The following BPIFB1 variants were observed in gnomAD, a reference collection of about 807,000 sequenced individuals.
BPIFB1 encodes BPI fold-containing family B member 1.
BPIFB1 carries 34 observed loss-of-function variants against 55.1 expected under a neutral mutation model. The ratio of observed to expected loss-of-function variants is 0.62; its 90% confidence interval spans 0.47 to 0.82. BPIFB1 has a LOEUF of 0.82. Ranked by LOEUF, BPIFB1 falls within the 40% of genes least tolerant of loss-of-function variation. The pLI is 0.00. For synonymous variants in BPIFB1, 236 were observed against 245.3 expected (o/e 0.96, Z 0.35); for missense variants, 532 against 593.1 (o/e 0.90, Z 1.07).
chr20:33,309,651 A>G lies in BPIFB1; in HGVS notation c.1396-57A>G. 1.9e-6 allele frequency: 3 copies of G among 1,562,862 alleles called. No homozygotes were observed. In the East Asian group the frequency reaches 6.7e-5, roughly 35 times the overall value. On this transcript the variant is annotated intron_variant, in intron 15 of 15. Coordinates refer to ENST00000253354, the MANE Select transcript of BPIFB1 (RefSeq NM_033197.3). This position sits in a 1 kb window ranked among gnomAD's most constrained non-coding sequence, Gnocchi z 4.4. The stretch of plus-strand genomic sequence containing the variant: ...CTTATGGAGGACAAAACCAGCATAA[A>G]CCACAAGGCAAAAGGTTAAAGAAAC...
At chr20:33,306,375 TC>T (rs1471895213) in intron 14 of BPIFB1, among the ~76,000 whole-genome samples, 1 of 152,078 alleles carries the variant, frequency 6.6e-6, no homozygotes, top group African/African-American at 2.4e-5. Context: ...CAGACCCTGT[TC>T]CCCCTCTTGC....
intron 3 of BPIFB1, among the ~76,000 whole-genome samples, chr20:33,289,566 G>A (rs937315746): frequency 2.0e-5 from 3 of 152,194 alleles, no homozygotes; most frequent in African/African-American, 7.2e-5. Context: ...GCATGGAGAA[G>A]TGACAGTCGG....
intron 3 of BPIFB1, among the ~76,000 whole-genome samples, chr20:33,289,276 G>T (rs1189034229): frequency 1.3e-5 from 2 of 151,924 alleles, no homozygotes; most frequent in Admixed American, 6.6e-5. Context: ...AGCTACTCAG[G>T]AGGCTGAGGC....
chr20:33,300,059 T>C (rs1600667672), intron 8 of BPIFB1, 75 bp downstream of exon 8: 4 of 1,302,412 alleles, frequency 3.1e-6, no homozygotes, highest in Non-Finnish European at 3.3e-6. Flanking sequence ...TCAGATAGCA[T>C]GGGCCTGTGT....
chr20:33,283,720 G>T (rs1568644978), intron 1 of BPIFB1, among the ~76,000 whole-genome samples: 1 of 152,080 alleles, frequency 6.6e-6, no homozygotes, highest in Non-Finnish European at 1.5e-5. Flanking sequence ...GAAGGCGATT[G>T]GGCAAAGGAG....
intron 9 of BPIFB1, among the ~76,000 whole-genome samples, chr20:33,301,950 G>A (rs1980869583): frequency 6.6e-6 from 1 of 152,158 alleles, no homozygotes; most frequent in South Asian, 2.1e-4. Context: ...GAAAGGGTTG[G>A]TCCAACGTTA....
intron 2 of BPIFB1, among the ~76,000 whole-genome samples, chr20:33,286,843 G>A (rs1304191320): frequency 6.6e-6 from 1 of 152,178 alleles, no homozygotes; most frequent in Admixed American, 6.5e-5. Flanking sequence ...AACCAAAAAG[G>A]TCTCCAGACA....
intron 6 of BPIFB1, among the ~76,000 whole-genome samples, chr20:33,292,219 G>A (rs1209351607): frequency 2.0e-5 from 3 of 152,226 alleles, no homozygotes; most frequent in Non-Finnish European, 2.9e-5. Flanking sequence ...GAACAGTGAC[G>A]TGCTGATAAA....
chr20:33,307,014 T>C, intron 15 of BPIFB1, 27 bp downstream of exon 15: 1 of 1,605,034 alleles, frequency 6.2e-7, no homozygotes, highest in Non-Finnish European at 8.5e-7. Flanking sequence ...CTAAACATCC[T>C]GCCCCAGGGA....
intron 7 of BPIFB1, chr20:33,299,340 A>G (rs1980767342): frequency 1.1e-5 from 4 of 370,700 alleles, no homozygotes; most frequent in South Asian, 7.5e-5. Flanking sequence ...CGCGAACACG[A>G]GATCTTTGGG....
At position 33,299,896 on chromosome 20, in the gene BPIFB1, C is replaced by A. The variant is rs1980790795; in HGVS notation, c.662-3C>A. The A allele has an allele frequency of 6.2e-7, 1 of 1,613,774 alleles. No homozygotes were observed. Among genetic ancestry groups the A allele is most frequent in the South Asian group, 1.1e-5 (1 of 91,070 alleles). Reference sequence around the variant, plus strand: ...ACAGAACTTTCTTCTTGTCCTTGAGCAGTGCCCATTTCCCTCAGCATTGAC... The same window carrying A: ...ACAGAACTTTCTTCTTGTCCTTGAGAAGTGCCCATTTCCCTCAGCATTGAC... On this transcript the variant is annotated splice_region_variant and splice_polypyrimidine_tract_variant and intron_variant, in intron 7 of 15. Transcript: ENST00000253354.
intron 1 of BPIFB1, among the ~76,000 whole-genome samples, chr20:33,285,495 C>CGAGGTCAGGAGATCGA (rs1411613101): frequency 1.3e-5 from 2 of 151,588 alleles, no homozygotes; most frequent in African/African-American, 4.9e-5. Context: ...GGGCAGATCA[C>CGAGGTCAGGAGATCGA]GAGGTCAGGA....
At chr20:33,291,759 G>A (rs980588585) in intron 5 of BPIFB1, 148 bp from the exon 6 acceptor site, 6 of 668,728 alleles carry the variant, frequency 9.0e-6, no homozygotes, top group Non-Finnish European at 1.3e-5. Flanking sequence ...CTGGCTCAGG[G>A]GCTACTCCCA....
chr20:33,293,295 T>G (rs1980532528), intron 6 of BPIFB1, among the ~76,000 whole-genome samples: 1 of 152,202 alleles, frequency 6.6e-6, no homozygotes. Flanking sequence ...CCTTTTACTT[T>G]CACCCAGGAG....
chr20:33,286,028 C>A lies in BPIFB1; in HGVS notation c.-41-5C>A. Reference sequence around the variant, plus strand: ...CTGCCTCAGGTCCCTCTGTGCTCACCCCAGGTCTGGCATCCTGCACTTGCT... The same window carrying A: ...CTGCCTCAGGTCCCTCTGTGCTCACACCAGGTCTGGCATCCTGCACTTGCT... On this transcript the variant is annotated splice_region_variant and splice_polypyrimidine_tract_variant and intron_variant, in intron 1 of 15. Coordinates refer to ENST00000253354, the MANE Select transcript of BPIFB1 (RefSeq NM_033197.3). The A allele has an allele frequency of 6.3e-7, 1 of 1,588,830 alleles. No individual in the cohort carries two copies.
In BPIFB1 at chr20:33,305,999, C is replaced by T. The variant is rs761156142; in HGVS notation, c.1255-3C>T. On this transcript the variant is annotated splice_region_variant and splice_polypyrimidine_tract_variant and intron_variant, in intron 13 of 15. Coordinates refer to ENST00000253354, the MANE Select transcript of BPIFB1 (RefSeq NM_033197.3). The stretch of plus-strand genomic sequence containing the variant: ...GTGACAGTGCCCCTTCTCTCTCTCA[C>T]AGCCTGATGTTCTGAAAAACATCAT... 2.5e-6 allele frequency: 4 copies of T among 1,614,118 alleles called. No individual in the cohort carries two copies. Among genetic ancestry groups the T allele is most frequent in the Admixed American group, 1.7e-5 (1 of 60,032 alleles).
Position 33,301,402 on chromosome 20 carries a change from T to C in BPIFB1, c.917T>C (p.Leu306Ser). 1 of 1,613,486 alleles carries C rather than the reference T, an allele frequency of 6.2e-7. No individual in the cohort carries two copies. The highest frequency in any genetic ancestry group is 8.5e-7 in the Non-Finnish European group (1 of 1,179,748). The change falls in exon 9 of 16, where the codon TTG (leucine) becomes TCG (serine). Residue 306 changes from leucine to serine, a missense_variant. Coordinates refer to ENST00000253354, the MANE Select transcript of BPIFB1 (RefSeq NM_033197.3). ...VLSPEEFMVL[L>S]DSVLPESAHR... is the part of the protein sequence containing the mutation. ...TCTCCAGAAGAATTCATGGTCCTGT[T>C]GGACTCTGTGGTAAACCTCAGCACA...
intron 6 of BPIFB1, among the ~76,000 whole-genome samples, chr20:33,295,624 AAAGAAGAAAGAAAGAGAG>A (rs1980612610): frequency 6.7e-6 from 1 of 148,818 alleles, no homozygotes; most frequent in East Asian, 1.9e-4. Context: ...GTGAGACTCG[AAAGAAGAAAGAAAGAGAG>A]AAGAAGAAAG....
At chr20:33,294,612 T>C (rs1980573577) in intron 6 of BPIFB1, among the ~76,000 whole-genome samples, 1 of 152,214 alleles carries the variant, frequency 6.6e-6, no homozygotes. Context: ...GACCCAGCTG[T>C]AGATTTTCTT....
Sources: allele counts gnomAD v4.1 joint callset (sites outside exome capture counted in the v4.1 genomes callset), GRCh38; gene constraint gnomAD v4.1.1; non-coding constraint Gnocchi (gnomAD v3.1); transcripts MANE v1.5; gene names NCBI Gene and HGNC (gene_info 2026-07-23, HGNC 2026-07-21).